The following NUDT7 variants were observed in gnomAD, a reference collection of about 807,000 sequenced individuals.
NUDT7 encodes the protein nudix hydrolase 7, also known as peroxisomal coenzyme A diphosphatase NUDT7.
In NUDT7, 19 loss-of-function variants were observed where a neutral mutation model predicts 13.1. The observed-to-expected ratio is 1.45, with a 90% confidence interval of 1.01 to 2.13. The LOEUF (loss-of-function observed/expected upper bound fraction) is 2.13. Ranked by LOEUF, NUDT7 falls within the 30% of genes most tolerant of loss-of-function variation. The probability of loss-of-function intolerance (pLI) is 0.00; values close to 1 mark genes in which losing one functional copy is unlikely to be tolerated. For synonymous variants in NUDT7, 132 were observed against 109.7 expected (o/e 1.20, Z -1.27); for missense variants, 360 against 291.7 (o/e 1.23, Z -1.71).
Position 77,722,632 on chromosome 16 carries a change from G to C in NUDT7, c.35+15G>C. The C allele has an allele frequency of 6.3e-7, 1 of 1,587,934 alleles. No individual in the cohort carries two copies. The highest frequency in any genetic ancestry group is 1.1e-5 in the South Asian group (1 of 87,170). On this transcript the variant is annotated intron_variant, in intron 1 of 3. Coordinates refer to ENST00000268533, the MANE Select transcript of NUDT7 (RefSeq NM_001105663.3). ...GAGCCAGTCAGGTAAAGGCTTTCCG[G>C]GCCCTGGCACCCCGAGCTTGGTCAG... is the stretch of plus-strand genomic sequence containing the variant.
chr16:77,722,607 G>T lies in NUDT7; in HGVS notation c.25G>T (p.Glu9Ter), dbSNP rs890520288. 6 of 1,594,304 alleles carry T rather than the reference G, an allele frequency of 3.8e-6. No individual in the cohort carries two copies. The African/African-American group carries it at 6.7e-5, about 18-fold the overall frequency. Residue 9 changes from glutamate (E) to a stop codon, truncating the protein, a stop_gained, in exon 1 of 4, where the codon GAG (glutamate) becomes TAG (stop). Transcript: ENST00000268533. LOFTEE classifies it high-confidence loss of function. ...AATGTCACGACTTGGTCTTCCCGAG[G>T]AGCCAGTCAGGTAAAGGCTTTCCGG... MSRLGLPEEPVRNSLLDDA... is the reference protein window; with the variant it reads MSRLGLPE
intron 1 of NUDT7, among the ~76,000 whole-genome samples, chr16:77,723,088 A>T (rs1310660617): frequency 6.6e-6 from 1 of 152,212 alleles, no homozygotes; most frequent in Non-Finnish European, 1.5e-5. Context: ...AATTGAGACC[A>T]TGCTCAGAAC....
intron 1 of NUDT7, among the ~76,000 whole-genome samples, chr16:77,724,729 G>C (rs773776723): frequency 2.6e-5 from 4 of 152,226 alleles, no homozygotes; most frequent in Non-Finnish European, 5.9e-5. Flanking sequence ...ATACAAACTA[G>C]CAGTAGAACA....
chr16:77,736,741 C>G (rs1477773371), intron 3 of NUDT7: 1 of 233,058 alleles, frequency 4.3e-6, no homozygotes, highest in Non-Finnish European at 9.2e-6. Context: ...GCTGGGATTA[C>G]AGGTGTGAAC....
Position 77,735,884 on chromosome 16 carries a change from C to T in NUDT7, c.246C>T (p.Asp82=), listed in dbSNP as rs1217360182. Residue 82 remains aspartate, a synonymous_variant, in exon 3 of 4, where the codon GAC becomes GAT. Coordinates refer to ENST00000268533, the MANE Select transcript of NUDT7 (RefSeq NM_001105663.3). ...CTGGAGGTAAGCGTGACCCTACAGA[C>T]ATGGATGATGCAGCCACAGCTCTCC... The part of the protein sequence containing the change: ...CFPGGKRDPT[D]MDDAATALRE... 1 of 1,614,042 alleles carries T rather than the reference C, an allele frequency of 6.2e-7. No homozygotes were observed. The highest frequency in any genetic ancestry group is 1.7e-5 in the Admixed American group (1 of 60,016).
intron 1 of NUDT7, 139 bp from the exon 2 acceptor site, chr16:77,725,292 C>T (rs897662313): frequency 1.6e-5 from 11 of 683,370 alleles, no homozygotes; most frequent in African/African-American, 3.6e-5. Context: ...TCATTTCTGT[C>T]GTGTTATTGA....
chr16:77,734,364 C>T (rs557930967), intron 2 of NUDT7, among the ~76,000 whole-genome samples: 2 of 152,252 alleles, frequency 1.3e-5, no homozygotes, highest in South Asian at 4.1e-4. Context: ...TGGCTCACGC[C>T]TGTAATGCCA....
chr16:77,722,773 G>A (rs1052514383), intron 1 of NUDT7, among the ~76,000 whole-genome samples, 156 bp downstream of exon 1: 3 of 152,186 alleles, frequency 2.0e-5, no homozygotes, highest in Non-Finnish European at 2.9e-5. Context: ...CCAGCAACCC[G>A]CAGGGTCCCC....
chr16:77,724,616 A>C (rs2014070376), intron 1 of NUDT7, among the ~76,000 whole-genome samples: 1 of 152,146 alleles, frequency 6.6e-6, no homozygotes, highest in Non-Finnish European at 1.5e-5. Flanking sequence ...TTTAGAGCTC[A>C]CTTTAATTAC....
chr16:77,726,572 G>T (rs1567426531), intron 2 of NUDT7, among the ~76,000 whole-genome samples: 1 of 152,116 alleles, frequency 6.6e-6, no homozygotes, highest in Non-Finnish European at 1.5e-5. Flanking sequence ...CAAGGTGGGA[G>T]GATCACGAGG....
intron 2 of NUDT7, among the ~76,000 whole-genome samples, chr16:77,734,406 G>A (rs1047763699): frequency 1.3e-5 from 2 of 152,100 alleles, no homozygotes; most frequent in African/African-American, 2.4e-5. Context: ...GGCAGATCAC[G>A]AGGTCAGAAG....
At chr16:77,726,947 C>CATG in intron 2 of NUDT7, among the ~76,000 whole-genome samples, 1 of 120,800 alleles carries the variant, frequency 8.3e-6, no homozygotes, top group East Asian at 2.2e-4. Context: ...AGTGTACCAT[C>CATG]ATGGCAGAGG....
intron 2 of NUDT7, among the ~76,000 whole-genome samples, chr16:77,731,128 G>C (rs1010643021): frequency 1.1e-4 from 17 of 151,770 alleles, no homozygotes; most frequent in African/African-American, 4.1e-4. Flanking sequence ...TGTGCTTTTG[G>C]GGTCATATTT....
intron 2 of NUDT7, among the ~76,000 whole-genome samples, chr16:77,727,051 G>A (rs2014160566): frequency 6.6e-6 from 1 of 152,140 alleles, no homozygotes; most frequent in Non-Finnish European, 1.5e-5. Context: ...TGGGGACAGT[G>A]CCAAGATGAT....
rs2145123272 is a variant in NUDT7, at chr16:77,736,006, C to G, written c.348+20C>G. On this transcript the variant is annotated intron_variant, in intron 3 of 3. Transcript: ENST00000268533. ...ATTGATGTAAGGGTTTCCTGAGACA[C>G]TCATGAGCACCGTCCCCACCCCCAG... 6.2e-7 allele frequency: 1 copy of G among 1,611,856 alleles called. No homozygotes were observed. The highest frequency in any genetic ancestry group is 8.5e-7 in the Non-Finnish European group (1 of 1,178,088).
chr16:77,735,812 TTC>T lies in NUDT7; in HGVS notation c.190-14_190-13del, dbSNP rs1215206529. The T allele has an allele frequency of 6.2e-7, 1 of 1,609,366 alleles. No homozygotes were observed. Among genetic ancestry groups the T allele is most frequent in the South Asian group, 1.1e-5 (1 of 90,924 alleles). On this transcript the variant is annotated splice_polypyrimidine_tract_variant and intron_variant, in intron 2 of 3. Transcript: ENST00000268533. ...ATTAGAATCCCACATTGTAGCGCTGTTCTTTCTATATCCAGCTAAGAAGGGCC... is the reference window on the plus strand; with the variant it reads ...ATTAGAATCCCACATTGTAGCGCTGTTTTCTATATCCAGCTAAGAAGGGCC...
intron 2 of NUDT7, among the ~76,000 whole-genome samples, chr16:77,733,876 G>T (rs1450908559): frequency 6.6e-6 from 1 of 152,142 alleles, no homozygotes; most frequent in Non-Finnish European, 1.5e-5. Context: ...AAGAAATTGA[G>T]GTCACTCTGC....
chr16:77,735,089 G>A (rs181252139), intron 2 of NUDT7, among the ~76,000 whole-genome samples: 1 of 152,270 alleles, frequency 6.6e-6, no homozygotes, highest in East Asian at 1.9e-4. Flanking sequence ...ATAATAAGCA[G>A]CCATTAAAGG....
In NUDT7 at chr16:77,742,092, C is replaced by G; in HGVS notation, c.*142C>G. ...TGTAGTTAGAATCCTTGCCTCTTTT[C>G]CAGTTGCCTTCTATTGTCTGAAAAA... On this transcript the variant is annotated 3_prime_UTR_variant, in exon 4 of 4. Coordinates refer to ENST00000268533, the MANE Select transcript of NUDT7 (RefSeq NM_001105663.3). 7.1e-7 allele frequency: 1 copy of G among 1,418,130 alleles called. No individual in the cohort carries two copies. Among genetic ancestry groups the G allele is most frequent in the Non-Finnish European group, 9.2e-7 (1 of 1,092,578 alleles). 87.8% of individuals were successfully genotyped at this position (1,418,130 alleles called of 1,614,324 possible). A position where few individuals can be genotyped will look rare whatever the true frequency, so the allele number is the denominator to read the frequency against.
Sources: allele counts gnomAD v4.1 joint callset (sites outside exome capture counted in the v4.1 genomes callset), GRCh38; gene constraint gnomAD v4.1.1; transcripts MANE v1.5; gene names NCBI Gene and HGNC (gene_info 2026-07-23, HGNC 2026-07-21).